The following SLC26A11 variants were observed in gnomAD, a reference collection of about 807,000 sequenced individuals.
SLC26A11 encodes the protein solute carrier family 26 member 11.
In SLC26A11, 58 loss-of-function variants were observed where a neutral mutation model predicts 62.2. The observed-to-expected ratio is 0.93, with a 90% CI of 0.76 to 1.16. SLC26A11 has a LOEUF of 1.16. Among genes scored for constraint, SLC26A11 ranks in the 50% most tolerant of loss-of-function variants. SLC26A11 has a pLI of 0.00. For synonymous variants in SLC26A11, 411 were observed against 368.9 expected, an observed-to-expected ratio of 1.11 and a Z score of -1.31; for missense variants, 790 against 794.3, an observed-to-expected ratio of 0.99 and a Z score of 0.06.
chr17:80,235,062 C>A (rs1048578303), intron 7 of SLC26A11, among the ~76,000 whole-genome samples: 1 of 152,004 alleles, frequency 6.6e-6, no homozygotes, highest in Non-Finnish European at 1.5e-5. Context: ...GTTGGCTGGG[C>A]CAGTCTCGAA....
chr17:80,235,821 T>C (rs762851462), intron 7 of SLC26A11, among the ~76,000 whole-genome samples: 6 of 152,248 alleles, frequency 3.9e-5, no homozygotes, highest in Non-Finnish European at 7.3e-5. Context: ...TCCATTTAGG[T>C]CTTACTTTTA....
At chr17:80,247,294 TC>T (rs1453914597) in intron 13 of SLC26A11, among the ~76,000 whole-genome samples, 1 of 151,814 alleles carries the variant, frequency 6.6e-6, no homozygotes, top group Non-Finnish European at 1.5e-5. Flanking sequence ...TCCCCACCTT[TC>T]CCCCCTTTCT....
At chr17:80,225,810 C>G (rs868532040) in intron 5 of SLC26A11, 27 bp from the exon 6 acceptor site, 1 of 1,608,232 alleles carries the variant, frequency 6.2e-7, no homozygotes, top group Middle Eastern at 1.7e-4. Flanking sequence ...AGCATAGCCT[C>G]TGATCAGCAT....
At chr17:80,244,260 A>C (rs2042937971) in intron 10 of SLC26A11, among the ~76,000 whole-genome samples, 1 of 152,164 alleles carries the variant, frequency 6.6e-6, no homozygotes, top group Non-Finnish European at 1.5e-5. Context: ...CTTGGGCCCC[A>C]GCAATGCTGT....
chr17:80,239,391 C>CTTTT (rs576920538), intron 9 of SLC26A11, among the ~76,000 whole-genome samples: 37 of 131,602 alleles, frequency 2.8e-4, no homozygotes, highest in African/African-American at 5.9e-4. Flanking sequence ...CCAGTAATTT[C>CTTTT]TTTTTTTTTT....
rs1482962190 is a variant in SLC26A11, at chr17:80,248,257, G to C, written c.1422G>C (p.Lys474Asn). ...LLHSAARPET[K>N]VSEGPVLVLQ... is the part of the protein sequence containing the mutation. Reference sequence around the variant, plus strand: ...ACTCTGCAGCCAGGCCTGAGACCAAGGTACCCCTCCGTGGCCTCTGAGTGG... The same window carrying C: ...ACTCTGCAGCCAGGCCTGAGACCAACGTACCCCTCCGTGGCCTCTGAGTGG... The change falls in exon 14 of 18, where the codon AAG becomes AAC. Residue 474 changes from lysine to asparagine, a missense_variant and splice_region_variant. By Grantham distance (94) the Lys-to-Asn change is moderately conservative. Coordinates refer to ENST00000361193, the MANE Select transcript of SLC26A11 (RefSeq NM_001166347.2). 1 of 1,607,676 alleles carries C rather than the reference G, an allele frequency of 6.2e-7. No individual in the cohort carries two copies. The highest frequency in any genetic ancestry group is 2.2e-5 in the East Asian group (1 of 44,814).
rs1421432064 is a variant in SLC26A11 at position 80,248,560 on chromosome 17, C to G, written c.1423-15C>G. The G allele has an allele frequency of 6.4e-7, 1 of 1,561,416 alleles. No homozygotes were observed. The highest frequency in any genetic ancestry group is 1.2e-5 in the South Asian group (1 of 84,774). On this transcript the variant is annotated splice_polypyrimidine_tract_variant and intron_variant, in intron 14 of 17. Transcript: ENST00000361193. The stretch of plus-strand genomic sequence containing the variant: ...CCCGGTCAGACCCGCCTCCAGGACT[C>G]ACTCCTCCCCACAGGTGTCAGAGGG...
rs931824169 is a variant in SLC26A11, at chr17:80,220,443, C to T, written c.-267C>T. 7 of 889,298 alleles carry T rather than the reference C, an allele frequency of 7.9e-6. No individual in the cohort carries two copies. The East Asian group carries it at 1.7e-4, about 21-fold the overall frequency. The allele number at this position is 889,298 out of a possible 1,614,324, so 55.1% of individuals were successfully genotyped here. A position where few individuals can be genotyped will look rare whatever the true frequency, so the allele number is the denominator to read the frequency against. ...CGCCCCGGCCTGTCCCCGGCGATTC[C>T]TGCGGACCCAGCTGCGGCGACGCCA... On this transcript the variant is annotated 5_prime_UTR_variant, in exon 1 of 18. Coordinates refer to ENST00000361193, the MANE Select transcript of SLC26A11 (RefSeq NM_001166347.2).
intron 7 of SLC26A11, among the ~76,000 whole-genome samples, chr17:80,232,170 G>C (rs2042583032): frequency 6.6e-6 from 1 of 151,462 alleles, no homozygotes; most frequent in South Asian, 2.1e-4. Context: ...TTTTTTTCTG[G>C]GCAATATTCT....
At chr17:80,249,504 G>T (rs11869129) in intron 16 of SLC26A11, among the ~76,000 whole-genome samples, 12,961 of 152,268 alleles carry the variant, frequency 0.085, 1,043 homozygotes, top group African/African-American at 0.22. Flanking sequence ...CCTCCGAGGG[G>T]TCACGTTATG....
In SLC26A11 at chr17:80,228,095, C is replaced by A; in HGVS notation, c.736+135C>A. On this transcript the variant is annotated intron_variant, in intron 7 of 17. Transcript: ENST00000361193. This position sits in a 1 kb window ranked among gnomAD's most constrained non-coding sequence, Gnocchi z 4.1. ...TTGAGCATTGGGACATTTAAAACACCACACCAAACTCTGGGACATGTACTT... is the reference window on the plus strand; with the variant it reads ...TTGAGCATTGGGACATTTAAAACACAACACCAAACTCTGGGACATGTACTT... 1 of 631,458 alleles carries A rather than the reference C, an allele frequency of 1.6e-6. No homozygotes were observed. The highest frequency in any genetic ancestry group is 2.7e-6 in the Non-Finnish European group (1 of 375,860). 39.1% of individuals were successfully genotyped at this position (631,458 alleles called of 1,614,324 possible). A position where few individuals can be genotyped will look rare whatever the true frequency, so the allele number is the denominator to read the frequency against.
At chr17:80,227,518 T>G (rs897223842) in intron 6 of SLC26A11, among the ~76,000 whole-genome samples, 3 of 152,262 alleles carry the variant, frequency 2.0e-5, no homozygotes, top group Non-Finnish European at 4.4e-5. Context: ...GAATTGAGTT[T>G]TGAAGTAGAA....
chr17:80,239,569 T>G (rs968279962), intron 9 of SLC26A11, among the ~76,000 whole-genome samples: 2 of 151,866 alleles, frequency 1.3e-5, no homozygotes, highest in African/African-American at 4.9e-5. Flanking sequence ...TTTTGTATTT[T>G]TAGTAGAGAC....
Position 80,252,697 on chromosome 17 carries a change from T to C in SLC26A11, c.1802T>C (p.Val601Ala). The C allele has an allele frequency of 6.2e-7, 1 of 1,613,834 alleles. No individual in the cohort carries two copies. ...GAAGACTCCATTCTGGACCAAAAGG[T>C]TGCCCTGCTCAAGGCATAATGGGGC... ...IREDSILDQKVALLKA is the reference protein window; with the variant it reads ...IREDSILDQKAALLKA The change falls in exon 18 of 18, where the codon GTT (valine) becomes GCT (alanine). Residue 601 changes from valine (V) to alanine (A), a missense_variant. Val to Ala is a moderately conservative substitution (Grantham distance 64). Coordinates refer to ENST00000361193, the MANE Select transcript of SLC26A11 (RefSeq NM_001166347.2). This position sits in a 1 kb window ranked among gnomAD's most constrained non-coding sequence, Gnocchi z 5.2.
At chr17:80,248,381 C>T in intron 14 of SLC26A11, 124 bp downstream of exon 14, 1 of 1,384,384 alleles carries the variant, frequency 7.2e-7, no homozygotes, top group Non-Finnish European at 9.7e-7. Flanking sequence ...CGCTCGCTGG[C>T]AGGTGGGCAG....
rs766616994 is a variant in SLC26A11, at chr17:80,222,656, A to G, written c.236A>G (p.Tyr79Cys). The G allele has an allele frequency of 1.2e-6, 2 of 1,613,784 alleles. No individual in the cohort carries two copies. Among genetic ancestry groups the G allele is most frequent in the African/African-American group, 1.3e-5 (1 of 74,988 alleles). ...YAEVAGLPPQ[Y>C]GLYSAFMGCF... ...GCTCACCACCCTCTCTCCCCACAGT[A>G]TGGCCTCTACTCTGCCTTCATGGGC... The change falls in exon 4 of 18, where the codon TAT (tyrosine) becomes TGT (cysteine). Residue 79 changes from tyrosine (Y) to cysteine (C), a missense_variant and splice_region_variant. Tyr to Cys is a radical substitution (Grantham distance 194, BLOSUM62 -2). Coordinates refer to ENST00000361193, the MANE Select transcript of SLC26A11 (RefSeq NM_001166347.2). This position sits in a 1 kb window ranked among gnomAD's most constrained non-coding sequence, Gnocchi z 4.7.
chr17:80,235,048 C>T (rs1047794739), intron 7 of SLC26A11, among the ~76,000 whole-genome samples: 3 of 152,054 alleles, frequency 2.0e-5, no homozygotes, highest in Non-Finnish European at 4.4e-5. Context: ...CAGAGCTTCA[C>T]TGTGTTGGCT....
Position 80,227,845 on chromosome 17 carries a change from C to G in SLC26A11, c.621C>G (p.Val207=). ...TRVGDAVLGL[V]CMLLLLVLKL... Reference sequence around the variant, plus strand: ...TAGGTGACGCCGTCCTGGGGCTGGTCTGCATGCTGCTGCTGCTGGTGCTGA... The same window carrying G: ...TAGGTGACGCCGTCCTGGGGCTGGTGTGCATGCTGCTGCTGCTGGTGCTGA... Residue 207 remains valine, a synonymous_variant, in exon 7 of 18, where the codon GTC becomes GTG. Transcript: ENST00000361193. 3 of 1,603,668 alleles carry G rather than the reference C, an allele frequency of 1.9e-6. No homozygotes were observed. The highest frequency in any genetic ancestry group is 2.5e-6 in the Non-Finnish European group (3 of 1,179,954).
In SLC26A11 at chr17:80,222,990, A is replaced by C. The variant is rs12938777; in HGVS notation, c.427+143A>C. 5.3e-5 allele frequency: 24 copies of C among 450,830 alleles called. No individual in the cohort carries two copies. The Middle Eastern group carries it at 3.2e-3, about 61-fold the overall frequency. 27.9% of individuals were successfully genotyped at this position (450,830 alleles called of 1,614,324 possible). The stretch of plus-strand genomic sequence containing the variant: ...GTGTGTGTAGGTGGGTGGGTGGTGG[A>C]GGGGGTGGGGCACTTGGCTCTTAGT... On this transcript the variant is annotated intron_variant, in intron 4 of 17. Coordinates refer to ENST00000361193, the MANE Select transcript of SLC26A11 (RefSeq NM_001166347.2). The surrounding 1 kb of genome is among the most constrained non-coding windows in gnomAD (Gnocchi z 4.7).
Sources: allele counts gnomAD v4.1 joint callset (sites outside exome capture counted in the v4.1 genomes callset), GRCh38; gene constraint gnomAD v4.1.1; non-coding constraint Gnocchi (gnomAD v3.1); transcripts MANE v1.5; gene names NCBI Gene and HGNC (gene_info 2026-07-23, HGNC 2026-07-21).